The following PTCHD4 variants were observed in gnomAD, a reference collection of about 807,000 sequenced individuals.
PTCHD4 encodes patched domain-containing protein 4.
Under a neutral mutation model 58.1 loss-of-function variants are expected in PTCHD4, and 33 were observed. That is an observed-to-expected ratio of 0.57 (90% CI 0.43 to 0.76). The LOEUF is 0.76. Ranked by LOEUF, PTCHD4 falls within the 30% of genes least tolerant of loss-of-function variation. The pLI is 0.00. For synonymous variants in PTCHD4, 478 were observed against 409.6 expected (o/e 1.17, Z -2.02); for missense variants, 1,058 against 1,027.1 (o/e 1.03, Z -0.41).
chr6:47,911,171 G>A (rs1478806717), intron 4 of PTCHD4, among the ~76,000 whole-genome samples: 2 of 152,184 alleles, frequency 1.3e-5, no homozygotes, highest in South Asian at 2.1e-4. Context: ...TTTGGTCAAA[G>A]GGAAGCACTA....
chr6:47,892,509 T>G (rs1276767544), intron 4 of PTCHD4, among the ~76,000 whole-genome samples: 2 of 152,216 alleles, frequency 1.3e-5, no homozygotes, highest in East Asian at 3.8e-4. Flanking sequence ...TATGCCTGAA[T>G]TTAACAGTTC....
At chr6:48,000,193 T>C (rs1163122159) in intron 4 of PTCHD4, among the ~76,000 whole-genome samples, 18 of 152,162 alleles carry the variant, frequency 1.2e-4, no homozygotes, top group Non-Finnish European at 1.5e-5. Flanking sequence ...CTGACCCACA[T>C]CAAACTGAGA....
At chr6:47,894,503 A>G (rs1764472142) in intron 4 of PTCHD4, among the ~76,000 whole-genome samples, 1 of 152,222 alleles carries the variant, frequency 6.6e-6, no homozygotes, top group Admixed American at 6.5e-5. Context: ...TGCAAGACAA[A>G]GAATGCAAAC....
At chr6:48,033,005 G>A (rs770922605) in intron 3 of PTCHD4, among the ~76,000 whole-genome samples, 7 of 152,128 alleles carry the variant, frequency 4.6e-5, no homozygotes, top group Non-Finnish European at 1.0e-4. Context: ...ACAAAGAGTT[G>A]TAAGCATCTT....
chr6:48,010,294 G>A (rs1178835020), intron 3 of PTCHD4, among the ~76,000 whole-genome samples: 1 of 152,148 alleles, frequency 6.6e-6, no homozygotes, highest in South Asian at 2.1e-4. Context: ...AAAATCAGGA[G>A]AAGAAACAGT....
chr6:47,905,456 G>T (rs1396993472), intron 4 of PTCHD4, among the ~76,000 whole-genome samples: 1 of 152,094 alleles, frequency 6.6e-6, no homozygotes, highest in African/African-American at 2.4e-5. Context: ...ATTATTCTGG[G>T]TTCTATATTG....
intron 3 of PTCHD4, among the ~76,000 whole-genome samples, chr6:48,045,694 T>A (rs1180669156): frequency 2.6e-5 from 4 of 151,748 alleles, no homozygotes; most frequent in Non-Finnish European, 5.9e-5. Context: ...GGAGATAACA[T>A]CATTTATTCA....
chr6:47,903,795 G>A (rs900453107), intron 4 of PTCHD4, among the ~76,000 whole-genome samples: 1 of 152,190 alleles, frequency 6.6e-6, no homozygotes, highest in African/African-American at 2.4e-5. Context: ...TATTTAATAT[G>A]TTGTATATTG....
intron 4 of PTCHD4, among the ~76,000 whole-genome samples, chr6:47,994,822 G>A (rs1768418546): frequency 6.6e-6 from 1 of 152,166 alleles, no homozygotes; most frequent in African/African-American, 2.4e-5. Flanking sequence ...AATGGCATTT[G>A]GATAGGGTGA....
chr6:48,078,389 G>A (rs2113890840), intron 1 of PTCHD4, among the ~76,000 whole-genome samples: 1 of 152,266 alleles, frequency 6.6e-6, no homozygotes, highest in East Asian at 1.9e-4. Context: ...GGAATATTGT[G>A]GCCACAGAGG....
intron 4 of PTCHD4, among the ~76,000 whole-genome samples, chr6:47,968,081 A>G (rs1767364243): frequency 1.3e-5 from 2 of 152,144 alleles, no homozygotes; most frequent in African/African-American, 4.8e-5. Context: ...AAGCTTAGTC[A>G]TTTCTGGCTT....
At chr6:48,080,681 A>G (rs995536490) in intron 1 of PTCHD4, among the ~76,000 whole-genome samples, 3 of 152,242 alleles carry the variant, frequency 2.0e-5, no homozygotes, top group Non-Finnish European at 4.4e-5. Flanking sequence ...ATGGATGAGA[A>G]CTACGGAAGA....
At chr6:48,096,662 G>A (rs1240806658) in intron 1 of PTCHD4, among the ~76,000 whole-genome samples, 1 of 151,096 alleles carries the variant, frequency 6.6e-6, no homozygotes, top group African/African-American at 2.4e-5. Context: ...TGTGCTTGAA[G>A]AAGAAACTAA....
intron 3 of PTCHD4, among the ~76,000 whole-genome samples, chr6:48,030,121 T>A (rs1282989536): frequency 6.6e-6 from 1 of 151,882 alleles, no homozygotes; most frequent in African/African-American, 2.4e-5. Flanking sequence ...ATAAAATAAA[T>A]GAAATAAATA....
chr6:47,981,613 T>A lies in PTCHD4; in HGVS notation c.898+27021A>T, dbSNP rs573705629. ...CTTATGTTCTTTTCTTAATTTTGTG[T>A]GCTAGTGCCTCTCTTTACTAAATAG... On this transcript the variant is annotated intron_variant, in intron 4 of 4. Coordinates refer to ENST00000339488, the MANE Select transcript of PTCHD4 (RefSeq NM_001384253.1). Among the ~76,000 whole-genome samples, 15 of 152,314 alleles carry A rather than the reference T, an allele frequency of 9.8e-5. No individual in the cohort carries two copies. The South Asian group carries it at 3.1e-3, about 32-fold the overall frequency.
At chr6:47,979,659 T>C (rs1767809395) in intron 4 of PTCHD4, among the ~76,000 whole-genome samples, 1 of 152,122 alleles carries the variant, frequency 6.6e-6, no homozygotes, top group Non-Finnish European at 1.5e-5. Flanking sequence ...TATTTATGTC[T>C]AATATTAATA....
At position 48,100,782 on chromosome 6, in the gene PTCHD4, A is replaced by G. The variant is rs538316075; in HGVS notation, c.-970+10267T>C. On this transcript the variant is annotated intron_variant, in intron 1 of 4. Transcript: ENST00000339488. ...GTTTCTTGCTTCAGCCTTCACATAA[A>G]CACATATACATTTTTTTCTTATATT... 7.2e-4 allele frequency among the ~76,000 whole-genome samples: 110 copies of G among 152,290 alleles called. No individual in the cohort carries two copies. The South Asian group carries it at 0.011, about 15-fold the overall frequency.
intron 4 of PTCHD4, among the ~76,000 whole-genome samples, chr6:47,983,216 G>A (rs1767948333): frequency 6.6e-6 from 1 of 151,984 alleles, no homozygotes; most frequent in Non-Finnish European, 1.5e-5. Flanking sequence ...AAATTGTTTG[G>A]GTACTAAAGT....
chr6:48,079,559 G>A (rs1765124149), intron 1 of PTCHD4, among the ~76,000 whole-genome samples: 1 of 151,282 alleles, frequency 6.6e-6, no homozygotes, highest in Non-Finnish European at 1.5e-5. Flanking sequence ...GTAGGGCAGA[G>A]GAGAAAAAGG....
Sources: allele counts gnomAD v4.1 joint callset (sites outside exome capture counted in the v4.1 genomes callset), GRCh38; gene constraint gnomAD v4.1.1; transcripts MANE v1.5; gene names NCBI Gene and HGNC (gene_info 2026-07-23, HGNC 2026-07-21).